Variants in FAM114A1 observed in about 807,000 individuals in gnomAD.
FAM114A1 encodes protein NOXP20.
Under a neutral mutation model 64.3 loss-of-function variants are expected in FAM114A1, and 62 were observed. The ratio of observed to expected loss-of-function variants is 0.96; its 90% CI spans 0.79 to 1.19. FAM114A1 has a LOEUF of 1.19. Among genes scored for constraint, FAM114A1 ranks in the 50% most tolerant of loss-of-function variants. The pLI is 0.00. For missense variants in FAM114A1, 645 were observed against 676.3 expected, an observed-to-expected ratio of 0.95 and a Z score of 0.51; for synonymous variants, 254 against 251.1, an observed-to-expected ratio of 1.01 and a Z score of -0.11.
chr4:38,878,026 T>G, intron 2 of FAM114A1, 45 bp from the exon 3 acceptor site: 2 of 1,473,012 alleles, frequency 1.4e-6, no homozygotes, highest in South Asian at 1.3e-5. Flanking sequence ...AATTGAAGCT[T>G]AACAATTCGA....
At chr4:38,891,982 C>A in intron 4 of FAM114A1, 152 bp downstream of exon 4, 1 of 580,254 alleles carries the variant, frequency 1.7e-6, no homozygotes. Context: ...ATTTATTCCT[C>A]CAATACATTT....
At chr4:38,924,503 A>G (rs2109760199) in intron 9 of FAM114A1, among the ~76,000 whole-genome samples, 1 of 152,332 alleles carries the variant, frequency 6.6e-6, no homozygotes, top group African/African-American at 2.4e-5. Flanking sequence ...AAATTATTCT[A>G]GGCATTCAGA....
chr4:38,877,803 A>G (rs181599257), intron 2 of FAM114A1, among the ~76,000 whole-genome samples: 3 of 152,166 alleles, frequency 2.0e-5, no homozygotes, highest in Non-Finnish European at 2.9e-5. Flanking sequence ...CGTTTCTACT[A>G]AAAACACAAA....
At chr4:38,913,080 A>G (rs1402945833) in intron 7 of FAM114A1, among the ~76,000 whole-genome samples, 1 of 152,194 alleles carries the variant, frequency 6.6e-6, no homozygotes, top group African/African-American at 2.4e-5. Flanking sequence ...CACAATAAAA[A>G]CCAAAGTCTA....
At chr4:38,921,923 C>T (rs551441008) in intron 8 of FAM114A1, among the ~76,000 whole-genome samples, 7 of 152,210 alleles carry the variant, frequency 4.6e-5, no homozygotes, top group Middle Eastern at 3.4e-3. Context: ...TATATGGATG[C>T]ATGTTTGTTT....
intron 9 of FAM114A1, among the ~76,000 whole-genome samples, chr4:38,926,686 C>T (rs952603258): frequency 2.0e-5 from 3 of 152,250 alleles, no homozygotes; most frequent in African/African-American, 7.2e-5. Flanking sequence ...CATCTCCTGA[C>T]CTCAAGTGAT....
At chr4:38,877,263 G>A (rs6821490) in intron 2 of FAM114A1, among the ~76,000 whole-genome samples, 41,725 of 151,932 alleles carry the variant, frequency 0.27, 6,109 homozygotes, top group African/African-American at 0.31. Context: ...TTATTATTAC[G>A]TTGTAATTTA....
intron 7 of FAM114A1, among the ~76,000 whole-genome samples, chr4:38,911,811 CTTTCTT>C (rs1046459141): frequency 2.8e-5 from 4 of 143,698 alleles, no homozygotes; most frequent in East Asian, 2.0e-4. Context: ...AGGGAATACT[CTTTCTT>C]TTTCTTTCTT....
At chr4:38,936,288 G>T (rs1329570746) in intron 13 of FAM114A1, among the ~76,000 whole-genome samples, 3 of 151,532 alleles carry the variant, frequency 2.0e-5, no homozygotes, top group Non-Finnish European at 2.9e-5. Context: ...TAGAGACAGG[G>T]TTTCACCGTG....
At chr4:38,935,677 T>C in intron 12 of FAM114A1, 41 bp from the exon 13 acceptor site, 1 of 1,419,812 alleles carries the variant, frequency 7.0e-7, no homozygotes, top group Admixed American at 2.1e-5. Context: ...TTATTTTACC[T>C]TATTGAAAAC....
intron 4 of FAM114A1, among the ~76,000 whole-genome samples, chr4:38,898,642 A>G (rs948778231): frequency 1.1e-4 from 17 of 152,318 alleles, no homozygotes; most frequent in Admixed American, 3.9e-4. Flanking sequence ...GGCAAATATC[A>G]TCAGTTCAGT....
At chr4:38,941,694 T>C (rs1721589583) in intron 14 of FAM114A1, among the ~76,000 whole-genome samples, 1 of 152,206 alleles carries the variant, frequency 6.6e-6, no homozygotes, top group East Asian at 1.9e-4. Flanking sequence ...AGAAGATTGG[T>C]AGAGGAAAAT....
intron 9 of FAM114A1, among the ~76,000 whole-genome samples, chr4:38,928,223 T>C (rs1399232665): frequency 6.6e-6 from 1 of 152,186 alleles, no homozygotes; most frequent in Non-Finnish European, 1.5e-5. Context: ...CTTCCCCCAC[T>C]GGCATAAGCC....
chr4:38,871,666 C>G (rs1714091529), intron 2 of FAM114A1, among the ~76,000 whole-genome samples: 1 of 152,012 alleles, frequency 6.6e-6, no homozygotes, highest in African/African-American at 2.4e-5. Flanking sequence ...ATAAACTGAC[C>G]TAAGGTAATT....
intron 6 of FAM114A1, among the ~76,000 whole-genome samples, chr4:38,906,831 T>C (rs1579348950): frequency 2.0e-5 from 3 of 152,170 alleles, no homozygotes; most frequent in Admixed American, 6.5e-5. Flanking sequence ...GTGTATTTCT[T>C]ACTATGTAAA....
chr4:38,869,654 A>G (rs1016084393), intron 2 of FAM114A1, among the ~76,000 whole-genome samples: 2 of 151,992 alleles, frequency 1.3e-5, no homozygotes, highest in South Asian at 4.2e-4. Context: ...AACTGCTACA[A>G]CCTGATTAAG....
At position 38,944,983 on chromosome 4, in the gene FAM114A1, T is replaced by C. The variant is rs978974996; in HGVS notation, c.*1426T>C. ...GTGTTTTATTTAATGTCCTACCCTTTAATTTGTTGCATTTTCCTATACTCT... is the reference window on the plus strand; with the variant it reads ...GTGTTTTATTTAATGTCCTACCCTTCAATTTGTTGCATTTTCCTATACTCT... On this transcript the variant is annotated 3_prime_UTR_variant, in exon 15 of 15. Transcript: ENST00000358869. The C allele has an allele frequency of 1.3e-5, 2 of 152,220 alleles. No homozygotes were observed. Among genetic ancestry groups the C allele is most frequent in the African/African-American group, 4.8e-5 (2 of 41,450 alleles). 9.4% of individuals were successfully genotyped at this position (152,220 alleles called of 1,614,324 possible). A position where few individuals can be genotyped will look rare whatever the true frequency, so the allele number is the denominator to read the frequency against.
In FAM114A1 at chr4:38,891,281, C is replaced by G. The variant is rs1028360084; in HGVS notation, c.349-462C>G. Among the ~76,000 whole-genome samples, 21 of 152,172 alleles carry G rather than the reference C, an allele frequency of 1.4e-4. 1 individual carries two copies. Among genetic ancestry groups the G allele is most frequent in the Admixed American group, 1.4e-3 (21 of 15,276 alleles). ...GTATTGACGCTTTTTAGACACTTTG[C>G]CCATCATCCATGCCAAAGCACCTGC... On this transcript the variant is annotated intron_variant, in intron 3 of 14. Transcript: ENST00000358869.
At chr4:38,899,129 C>A (rs1717261894) in intron 4 of FAM114A1, among the ~76,000 whole-genome samples, 1 of 151,774 alleles carries the variant, frequency 6.6e-6, no homozygotes, top group South Asian at 2.1e-4. Context: ...GGATGCCCAG[C>A]AGAGGGATGA....
Sources: allele counts gnomAD v4.1 joint callset (sites outside exome capture counted in the v4.1 genomes callset), GRCh38; gene constraint gnomAD v4.1.1; transcripts MANE v1.5; gene names NCBI Gene and HGNC (gene_info 2026-07-23, HGNC 2026-07-21).